The following ADAMTSL1 variants were observed in gnomAD, a reference collection of about 807,000 sequenced individuals.
The protein encoded by ADAMTSL1 is ADAMTS-like protein 1.
Under a neutral mutation model 201.8 loss-of-function variants are expected in ADAMTSL1, and 126 were observed. That is an observed-to-expected ratio of 0.62 (90% CI 0.54 to 0.72). The LOEUF is 0.72. Among genes scored for constraint, ADAMTSL1 ranks in the 30% least tolerant of loss-of-function variants. The pLI is 0.00. For synonymous variants in ADAMTSL1, 1,121 were observed against 903.4 expected (o/e 1.24, Z -4.32); for missense variants, 2,679 against 2,277.8 (o/e 1.18, Z -3.59).
At chr9:18,209,540 A>C (rs771501741) in intron 2 of ADAMTSL1, among the ~76,000 whole-genome samples, 4 of 152,182 alleles carry the variant, frequency 2.6e-5, no homozygotes, top group Non-Finnish European at 4.4e-5. Flanking sequence ...ATAAAGCTAA[A>C]GGGAGGTCCC....
At chr9:18,154,775 A>G (rs1049485005) in intron 1 of ADAMTSL1, among the ~76,000 whole-genome samples, 2 of 152,094 alleles carry the variant, frequency 1.3e-5, no homozygotes, top group African/African-American at 4.8e-5. Flanking sequence ...AGAATGACAG[A>G]AATGGGTGGG....
chr9:18,468,470 G>A (rs1319024763), intron 2 of ADAMTSL1, among the ~76,000 whole-genome samples: 4 of 151,944 alleles, frequency 2.6e-5, no homozygotes, highest in Non-Finnish European at 5.9e-5. Flanking sequence ...CACCTAGAAT[G>A]GTACTGATTT....
At chr9:18,306,365 G>C (rs879823334) in intron 2 of ADAMTSL1, among the ~76,000 whole-genome samples, 1 of 152,130 alleles carries the variant, frequency 6.6e-6, no homozygotes, top group African/African-American at 2.4e-5. Context: ...ACAGAAATAG[G>C]CTTCAGAAAG....
At chr9:18,106,501 A>C (rs563994893) in intron 1 of ADAMTSL1, among the ~76,000 whole-genome samples, 54 of 152,324 alleles carry the variant, frequency 3.5e-4, no homozygotes, top group African/African-American at 1.3e-3. Flanking sequence ...GTGTTAAGGA[A>C]AAAAGGCCCA....
At chr9:18,587,038 T>A (rs1267939979) in intron 4 of ADAMTSL1, among the ~76,000 whole-genome samples, 1 of 152,014 alleles carries the variant, frequency 6.6e-6, no homozygotes, top group Non-Finnish European at 1.5e-5. Context: ...ACATAGGAAC[T>A]GGCAAATATT....
At chr9:17,958,363 A>G (rs1231165338) in intron 1 of ADAMTSL1, among the ~76,000 whole-genome samples, 2 of 152,182 alleles carry the variant, frequency 1.3e-5, no homozygotes, top group Non-Finnish European at 2.9e-5. Flanking sequence ...TTGTAGAAAC[A>G]TTCCCTCCAT....
chr9:18,223,254 G>C (rs1436296810), intron 2 of ADAMTSL1, among the ~76,000 whole-genome samples: 1 of 151,930 alleles, frequency 6.6e-6, no homozygotes, highest in Non-Finnish European at 1.5e-5. Flanking sequence ...ATTATCTTTG[G>C]TCAATTTCAG....
chr9:18,075,253 T>G (rs1189198124), intron 1 of ADAMTSL1, among the ~76,000 whole-genome samples: 1 of 152,202 alleles, frequency 6.6e-6, no homozygotes, highest in African/African-American at 2.4e-5. Context: ...ACAATAATGG[T>G]TATTAAATTT....
chr9:18,744,617 A>C (rs1819027312), intron 15 of ADAMTSL1, among the ~76,000 whole-genome samples: 1 of 152,218 alleles, frequency 6.6e-6, no homozygotes, highest in Non-Finnish European at 1.5e-5. Flanking sequence ...CTTTACATGG[A>C]GGTTCTCACT....
chr9:18,742,610 C>A (rs960494974), intron 15 of ADAMTSL1, among the ~76,000 whole-genome samples: 4 of 152,090 alleles, frequency 2.6e-5, no homozygotes, highest in African/African-American at 9.7e-5. Flanking sequence ...TGAATCAGTC[C>A]TTGATCTTGA....
At chr9:18,493,351 C>A (rs997436884) in intron 1 of ADAMTSL1, among the ~76,000 whole-genome samples, 1 of 152,084 alleles carries the variant, frequency 6.6e-6, no homozygotes, top group Non-Finnish European at 1.5e-5. Context: ...AATAAGTATT[C>A]TTTACTTCTT....
chr9:18,894,721 C>G (rs1041137151), intron 26 of ADAMTSL1, among the ~76,000 whole-genome samples: 1 of 152,034 alleles, frequency 6.6e-6, no homozygotes, highest in Admixed American at 6.6e-5. Context: ...ACATATAGGT[C>G]TGGGACTTAA....
intron 4 of ADAMTSL1, among the ~76,000 whole-genome samples, chr9:18,582,240 C>G (rs1031613165): frequency 6.6e-6 from 1 of 152,148 alleles, no homozygotes; most frequent in Non-Finnish European, 1.5e-5. Context: ...TAATCAAATG[C>G]TAGTACCTTT....
intron 2 of ADAMTSL1, among the ~76,000 whole-genome samples, chr9:18,183,757 AAAAG>A (rs1167433491): frequency 6.6e-6 from 1 of 152,222 alleles, no homozygotes; most frequent in African/African-American, 2.4e-5. Context: ...ATTTATGTAA[AAAAG>A]AATAAACCAG....
intron 1 of ADAMTSL1, among the ~76,000 whole-genome samples, chr9:18,157,184 C>T (rs528290723): frequency 6.6e-6 from 1 of 152,188 alleles, no homozygotes; most frequent in African/African-American, 2.4e-5. Context: ...ATCAATCCCA[C>T]ATTATACACA....
chr9:18,438,140 C>G (rs1370899027), intron 2 of ADAMTSL1, among the ~76,000 whole-genome samples: 1 of 151,454 alleles, frequency 6.6e-6, no homozygotes, highest in Non-Finnish European at 1.5e-5. Context: ...AATCTAAAGT[C>G]TCTTCATTGG....
intron 23 of ADAMTSL1, among the ~76,000 whole-genome samples, chr9:18,880,308 T>G (rs1448512527): frequency 6.6e-6 from 1 of 152,212 alleles, no homozygotes; most frequent in Non-Finnish European, 1.5e-5. Flanking sequence ...CATTTTCTAT[T>G]TACTTTTCCC....
At chr9:18,569,457 C>G (rs1299386124) in intron 3 of ADAMTSL1, among the ~76,000 whole-genome samples, 2 of 152,054 alleles carry the variant, frequency 1.3e-5, no homozygotes, top group Admixed American at 6.6e-5. Context: ...GAAGCCTTAG[C>G]CCAGTAACAT....
chr9:17,989,739 TTG>T (rs1819074069), intron 1 of ADAMTSL1, among the ~76,000 whole-genome samples: 3 of 151,954 alleles, frequency 2.0e-5, no homozygotes, highest in Non-Finnish European at 4.4e-5. Flanking sequence ...TAATGGGTAT[TTG>T]TTTATTTCTA....
Sources: allele counts gnomAD v4.1 joint callset (sites outside exome capture counted in the v4.1 genomes callset), GRCh38; gene constraint gnomAD v4.1.1; transcripts MANE v1.5; gene names NCBI Gene and HGNC (gene_info 2026-07-23, HGNC 2026-07-21).